Variants in PRICKLE3 observed in about 807,000 individuals in gnomAD.
The protein encoded by PRICKLE3 is prickle planar cell polarity protein 3.
Under a neutral mutation model 33.8 loss-of-function variants are expected in PRICKLE3, and 17 were observed. The observed-to-expected ratio is 0.50, with a 90% CI of 0.34 to 0.75. The LOEUF is 0.75. Ranked by LOEUF, PRICKLE3 falls within the 30% of genes least tolerant of loss-of-function variation. PRICKLE3 has a pLI of 0.01. For missense variants in PRICKLE3, 573 were observed against 576.7 expected, an observed-to-expected ratio of 0.99 and a Z score of 0.07; for synonymous variants, 211 against 219.6, an observed-to-expected ratio of 0.96 and a Z score of 0.34.
Position 49,182,693 on chromosome X carries a change from C to G in PRICKLE3, c.312+1041G>C, listed in dbSNP as rs146741122. On this transcript the variant is annotated intron_variant, in intron 3 of 8. Coordinates refer to ENST00000599218, the MANE Select transcript of PRICKLE3 (RefSeq NM_006150.5). ...CTATTTACAATTCTAGCATCTCTCT[C>G]CTTCCCTCTCTCTTTCTTCACCCCA... is the stretch of plus-strand genomic sequence containing the variant. Among the ~76,000 whole-genome samples, 1,016 of 111,980 alleles carry G rather than the reference C, an allele frequency of 9.1e-3. 7 individuals are homozygous for G. The highest frequency in any genetic ancestry group is 0.015 in the Non-Finnish European group (804 of 53,093).
intron 3 of PRICKLE3, among the ~76,000 whole-genome samples, chrX:49,181,636 C>CATATATATATATATACACACACAT (rs782250425): frequency 1.5e-4 from 6 of 39,825 alleles, no homozygotes. Flanking sequence ...TATACACACA[C>CATATATATATATATACACACACAT]ATATATATAT....
Position 49,183,789 on chromosome X carries a change from G to A in PRICKLE3, c.257C>T (p.Ser86Leu). 1 of 1,211,990 alleles carries A rather than the reference G, an allele frequency of 8.3e-7. No homozygotes were observed. The highest frequency in any genetic ancestry group is 1.1e-6 in the Non-Finnish European group (1 of 895,541). Residue 86 changes from serine (S) to leucine (L), a missense_variant, in exon 3 of 9, where the codon TCA becomes TTA. Ser to Leu is a moderately radical substitution (Grantham distance 145, BLOSUM62 -2). Coordinates refer to ENST00000599218, the MANE Select transcript of PRICKLE3 (RefSeq NM_006150.5). ...GGCATACTCCTCCGATGCACAGCCT[G>A]AGTCGTCGTCGGAGATGGAGTGGCG... ...FQRHSISDDD[S>L]GCASEEYAWV...
intron 3 of PRICKLE3, among the ~76,000 whole-genome samples, chrX:49,182,884 C>T (rs1397063684): frequency 9.7e-6 from 1 of 102,856 alleles, no homozygotes; most frequent in African/African-American, 3.6e-5. Flanking sequence ...AGTGCAGTGG[C>T]ACGATCTCAG....
rs1230142815 is a variant in PRICKLE3, at chrX:49,175,849, C to T, written c.1672G>A (p.Glu558Lys). Residue 558 changes from glutamate (E) to lysine (K), a missense_variant, in exon 9 of 9, where the codon GAG (glutamate) becomes AAG (lysine). By Grantham distance (56) the Glu-to-Lys change is moderately conservative (BLOSUM62 1). Coordinates refer to ENST00000599218, the MANE Select transcript of PRICKLE3 (RefSeq NM_006150.5). ...SPSSSSSESS[E>K]DDGFFLGERI... ...TCTCCTAGGAAGAAGCCATCATCCTCTGATGATTCGGAACTGGAACTGGAG... is the reference window on the plus strand; with the variant it reads ...TCTCCTAGGAAGAAGCCATCATCCTTTGATGATTCGGAACTGGAACTGGAG... 1 of 1,210,808 alleles carries T rather than the reference C, an allele frequency of 8.3e-7. No homozygotes were observed. Among genetic ancestry groups the T allele is most frequent in the East Asian group, 3.0e-5 (1 of 33,748 alleles).
chrX:49,184,060 G>A, intron 2 of PRICKLE3, 143 bp from the exon 3 acceptor site: 1 of 752,090 alleles, frequency 1.3e-6, no homozygotes, highest in East Asian at 3.5e-5. Flanking sequence ...GGGCCTGGGG[G>A]CAGGGCTGCA....
chrX:49,176,577 G>A (rs2065418902), intron 8 of PRICKLE3, among the ~76,000 whole-genome samples: 1 of 109,033 alleles, frequency 9.2e-6, no homozygotes, highest in Admixed American at 9.8e-5. Context: ...GCAATAAAAG[G>A]GGTGGGGCCT....
At chrX:49,181,636 C>CGT (rs2065456928) in intron 3 of PRICKLE3, among the ~76,000 whole-genome samples, 2 of 39,817 alleles carry the variant, frequency 5.0e-5, no homozygotes, top group African/African-American at 2.3e-4. Context: ...TATACACACA[C>CGT]ATATATATAT....
rs781922422 is a variant in PRICKLE3 at position 49,177,106 on chromosome X, C to A, written c.1052G>T (p.Arg351Leu). The change falls in exon 8 of 9, where the codon CGC becomes CTC. Residue 351 changes from arginine (R) to leucine (L), a missense_variant. By Grantham distance (102) the Arg-to-Leu change is moderately radical. Coordinates refer to ENST00000599218, the MANE Select transcript of PRICKLE3 (RefSeq NM_006150.5). ...CSRCGRALLGRPFLPRRGLIF... is the reference protein window; with the variant it reads ...CSRCGRALLGLPFLPRRGLIF... The stretch of plus-strand genomic sequence containing the variant: ...TAGGCCTCGGCGTGGCAGGAATGGG[C>A]GGCCCAGCAGGGCCCGCCCACAGCG... 7.5e-6 allele frequency: 9 copies of A among 1,200,369 alleles called. No individual in the cohort carries two copies. The highest frequency in any genetic ancestry group is 1.0e-5 in the Non-Finnish European group (9 of 890,341).
intron 1 of PRICKLE3, among the ~76,000 whole-genome samples, chrX:49,185,214 C>T (rs1323925045): frequency 9.0e-6 from 1 of 111,276 alleles, no homozygotes; most frequent in East Asian, 2.8e-4. Context: ...CTGCCCCTCT[C>T]TTCAGAAGCT....
intron 5 of PRICKLE3, 49 bp downstream of exon 5, chrX:49,179,202 G>A (rs1930582005): frequency 8.4e-7 from 1 of 1,184,333 alleles, no homozygotes; most frequent in Non-Finnish European, 1.1e-6. Context: ...TGCTCCCCAG[G>A]GCTTGGAGCA....
At chrX:49,181,562 C>CGTATATATATAT (rs1319788792) in intron 3 of PRICKLE3, among the ~76,000 whole-genome samples, 6 of 1,491 alleles carry the variant, frequency 4.0e-3, no homozygotes, top group Non-Finnish European at 9.0e-3. Flanking sequence ...TATATATATA[C>CGTATATATATAT]ACGTATATAT....
chrX:49,176,143 G>T lies in PRICKLE3; in HGVS notation c.1378C>A (p.Arg460Ser), dbSNP rs782154020. The change falls in exon 9 of 9, where the codon CGC becomes AGC. Residue 460 changes from arginine to serine, a missense_variant. By Grantham distance (110) the Arg-to-Ser change is moderately radical. Transcript: ENST00000599218. ...CGACCGAAGGCACTATCATCTGGGC[G>T]CAGGTTAGGCTGGCCGGGGGACTCT... ...PPESPGQPNLRPDDSAFGRQS... is the reference protein window; with the variant it reads ...PPESPGQPNLSPDDSAFGRQS... The T allele has an allele frequency of 1.7e-6, 2 of 1,201,760 alleles. No homozygotes were observed. The highest frequency in any genetic ancestry group is 4.4e-5 in the Admixed American group (2 of 45,266).
chrX:49,177,914 C>T, intron 7 of PRICKLE3, 79 bp downstream of exon 7: 3 of 1,048,196 alleles, frequency 2.9e-6, no homozygotes, highest in Non-Finnish European at 3.8e-6. Flanking sequence ...GCCTGGAGGA[C>T]AGGAGGAGTC....
chrX:49,186,354 C>A lies in PRICKLE3; in HGVS notation c.-57G>T. On this transcript the variant is annotated 5_prime_UTR_variant, in exon 1 of 9. Coordinates refer to ENST00000599218, the MANE Select transcript of PRICKLE3 (RefSeq NM_006150.5). The stretch of plus-strand genomic sequence containing the variant: ...GTCAGGCGAATGTAATCCTTGCGAC[C>A]GTCAGGCCACCGCGCGTCCGGCCTG... 9.6e-7 allele frequency: 1 copy of A among 1,040,675 alleles called. No homozygotes were observed. The allele number at this position is 1,040,675 out of a possible 1,213,427, so 85.8% of individuals were successfully genotyped here.
rs2065416178 is a variant in PRICKLE3 at position 49,176,206 on chromosome X, G to A, written c.1315C>T (p.Pro439Ser). ...LRGAPHRHSM[P>S]ELGLRSVPEP... is the part of the protein sequence containing the mutation. ...GGGACACTGCGGAGCCCCAGTTCCG[G>A]CATGGAGTGGCGGTGGGGAGCCCCT... Residue 439 changes from proline (P) to serine (S), a missense_variant, in exon 9 of 9, where the codon CCG becomes TCG. Pro to Ser is a moderately conservative substitution (Grantham distance 74). Transcript: ENST00000599218. 1 of 1,167,248 alleles carries A rather than the reference G, an allele frequency of 8.6e-7. No individual in the cohort carries two copies. Among genetic ancestry groups the A allele is most frequent in the Middle Eastern group, 2.4e-4 (1 of 4,153 alleles).
At chrX:49,184,435 G>A (rs782062491) in intron 2 of PRICKLE3, among the ~76,000 whole-genome samples, 190 bp downstream of exon 2, 1 of 111,949 alleles carries the variant, frequency 8.9e-6, no homozygotes, top group East Asian at 2.8e-4. Flanking sequence ...AGTGGGTGGA[G>A]CTCTCCTGGG....
intron 5 of PRICKLE3, 115 bp downstream of exon 5, chrX:49,179,136 C>A: frequency 4.1e-6 from 4 of 985,060 alleles, no homozygotes; most frequent in South Asian, 2.5e-5. Flanking sequence ...CCTAGAGACA[C>A]CTCACTGGGG....
intron 1 of PRICKLE3, among the ~76,000 whole-genome samples, chrX:49,185,790 A>G (rs1405046336): frequency 9.2e-6 from 1 of 108,331 alleles, no homozygotes; most frequent in East Asian, 2.9e-4. Flanking sequence ...AATCCCAGGT[A>G]CATGGGAGGC....
rs1557100036 is a variant in PRICKLE3, at chrX:49,176,262, G to A, written c.1259C>T (p.Thr420Ile). 8.8e-7 allele frequency: 1 copy of A among 1,135,289 alleles called. No individual in the cohort carries two copies. The allele number at this position is 1,135,289 out of a possible 1,213,427, so 93.6% of individuals were successfully genotyped here. Residue 420 changes from threonine (T) to isoleucine (I), a missense_variant, in exon 9 of 9, where the codon ACA becomes ATA. Coordinates refer to ENST00000599218, the MANE Select transcript of PRICKLE3 (RefSeq NM_006150.5). The stretch of plus-strand genomic sequence containing the variant: ...AAAGCGGGAGGGCTCCTCAGGGCCT[G>A]TAGCTGTTAAGGGGGAGACAGAGTG... ...KGTSTELAPA[T>I]GPEEPSRFLR...
Sources: allele counts gnomAD v4.1 joint callset (sites outside exome capture counted in the v4.1 genomes callset), GRCh38; gene constraint gnomAD v4.1.1; transcripts MANE v1.5; gene names NCBI Gene and HGNC (gene_info 2026-07-23, HGNC 2026-07-21).